The following TOR1AIP2 variants were observed in gnomAD, a reference collection of about 807,000 sequenced individuals.
TOR1AIP2 encodes torsin 1A interacting protein 2.
TOR1AIP2 carries 20 observed loss-of-function variants against 32.6 expected under a neutral mutation model. The observed-to-expected ratio is 0.61, with a 90% CI of 0.43 to 0.89. The LOEUF (loss-of-function observed/expected upper bound fraction) is 0.89, where lower values mean the gene tolerates loss of function less well. Ranked by LOEUF, TOR1AIP2 falls within the 40% of genes least tolerant of loss-of-function variation. The pLI is 0.00. For synonymous variants in TOR1AIP2, 214 were observed against 210.8 expected (o/e 1.02, Z -0.13); for missense variants, 456 against 553.8 (o/e 0.82, Z 1.77).
chr1:179,855,714 G>A (rs893741818), intron 3 of TOR1AIP2, among the ~76,000 whole-genome samples: 5 of 152,068 alleles, frequency 3.3e-5, no homozygotes, highest in Non-Finnish European at 5.9e-5. Context: ...TCATTAATAC[G>A]CCCCAAAATG....
Position 179,842,646 on chromosome 1 carries a change from C to T in TOR1AIP2, c.*3425G>A, listed in dbSNP as rs1695755692. 1 of 152,168 alleles carries T rather than the reference C, an allele frequency of 6.6e-6. No homozygotes were observed. Among genetic ancestry groups the T allele is most frequent in the African/African-American group, 2.4e-5 (1 of 41,438 alleles). The allele number at this position is 152,168 out of a possible 1,614,324, so 9.4% of individuals were successfully genotyped here. A position where few individuals can be genotyped will look rare whatever the true frequency, so the allele number is the denominator to read the frequency against. On this transcript the variant is annotated 3_prime_UTR_variant, in exon 7 of 7. Transcript: ENST00000609928. ...AATGGCAACGTTTAGGTACCACATACAATATTGTATGCCCACAAATCATTT... is the reference window on the plus strand; with the variant it reads ...AATGGCAACGTTTAGGTACCACATATAATATTGTATGCCCACAAATCATTT...
At chr1:179,873,564 T>C (rs1697089739) in intron 2 of TOR1AIP2, 1 of 152,234 alleles carries the variant, frequency 6.6e-6, no homozygotes, top group Non-Finnish European at 1.5e-5. Context: ...TTTTTCTTTG[T>C]AGTTAATAAT....
At chr1:179,871,069 G>A (rs886307831) in intron 2 of TOR1AIP2, among the ~76,000 whole-genome samples, 9 of 152,150 alleles carry the variant, frequency 5.9e-5, no homozygotes, top group Non-Finnish European at 1.0e-4. Flanking sequence ...GGCTCTTAGA[G>A]GGATATAAAA....
At position 179,846,501 on chromosome 1, in the gene TOR1AIP2, A is replaced by T; in HGVS notation, c.983T>A (p.Ile328Asn). Reference sequence around the variant, plus strand: ...GGTCCTTCCAGCCCCATCAATCTGAATGGGAGAGACTTTCTGGGAAGAGGT... The same window carrying T: ...GGTCCTTCCAGCCCCATCAATCTGATTGGGAGAGACTTTCTGGGAAGAGGT... Reference protein sequence around the residue: ...AYTSSQKVSPIQIDGAGRTWQ... With the variant: ...AYTSSQKVSPNQIDGAGRTWQ... The change falls in exon 7 of 7, where the codon ATT becomes AAT. Residue 328 changes from isoleucine (I) to asparagine (N), a missense_variant. Ile to Asn is a moderately radical substitution (Grantham distance 149). Transcript: ENST00000609928. 1 of 1,614,100 alleles carries T rather than the reference A, an allele frequency of 6.2e-7. No homozygotes were observed. The highest frequency in any genetic ancestry group is 8.5e-7 in the Non-Finnish European group (1 of 1,180,012).
intron 3 of TOR1AIP2, chr1:179,862,796 C>T (rs941894253): frequency 1.4e-4 from 32 of 235,998 alleles, no homozygotes; most frequent in Non-Finnish European, 9.6e-5. Context: ...GACATGGTGG[C>T]GGGCACCTGT....
chr1:179,858,161 CAAAAT>C (rs1696377562), intron 3 of TOR1AIP2, among the ~76,000 whole-genome samples: 1 of 151,246 alleles, frequency 6.6e-6, no homozygotes, highest in Non-Finnish European at 1.5e-5. Context: ...AAAAAACAAA[CAAAAT>C]AAATATATGT....
At position 179,845,991 on chromosome 1, in the gene TOR1AIP2, C is replaced by A. The variant is rs1319148641; in HGVS notation, c.*80G>T. 1.6e-6 allele frequency: 2 copies of A among 1,273,000 alleles called. No homozygotes were observed. Among genetic ancestry groups the A allele is most frequent in the Non-Finnish European group, 2.2e-6 (2 of 918,100 alleles). The allele number at this position is 1,273,000 out of a possible 1,614,324, so 78.9% of individuals were successfully genotyped here. A position where few individuals can be genotyped will look rare whatever the true frequency, so the allele number is the denominator to read the frequency against. ...TATTTCCTCAAGCTATTTTATCAAC[C>A]TCCTTCCATATAAATGGAAGGTCTT... On this transcript the variant is annotated 3_prime_UTR_variant, in exon 7 of 7. Transcript: ENST00000609928.
chr1:179,863,599 T>C (rs1571686538), intron 3 of TOR1AIP2: 1 of 964,494 alleles, frequency 1.0e-6, no homozygotes, highest in Non-Finnish European at 1.2e-6. Context: ...GAGACCGAGG[T>C]GGGAGGATGG....
In TOR1AIP2 at chr1:179,841,371, A is replaced by G. The variant is rs1274314693; in HGVS notation, c.*4700T>C. ...AAAAACACAAGAAGACAATGCTCCT[A>G]TAAAATGATATATTATTGGCTTTAC... On this transcript the variant is annotated 3_prime_UTR_variant, in exon 7 of 7. Coordinates refer to ENST00000609928, the MANE Select transcript of TOR1AIP2 (RefSeq NM_001199260.2). 6.6e-6 allele frequency: 1 copy of G among 152,246 alleles called. No individual in the cohort carries two copies. The highest frequency in any genetic ancestry group is 1.9e-4 in the East Asian group (1 of 5,206). 9.4% of individuals were successfully genotyped at this position (152,246 alleles called of 1,614,324 possible).
At chr1:179,864,018 C>G in intron 3 of TOR1AIP2, 1 of 985,414 alleles carries the variant, frequency 1.0e-6, no homozygotes, top group Non-Finnish European at 1.2e-6. Flanking sequence ...CTGATAGGTA[C>G]TTTTCCATTT....
chr1:179,857,096 G>T (rs1246431357), intron 3 of TOR1AIP2, among the ~76,000 whole-genome samples: 1 of 152,206 alleles, frequency 6.6e-6, no homozygotes, highest in Non-Finnish European at 1.5e-5. Flanking sequence ...AGATGCTTTT[G>T]ATAGTATCTT....
rs1157314672 is a variant in TOR1AIP2, at chr1:179,841,784, T to A, written c.*4287A>T. ...GTCGCATAAAGTTTGGTCAGATATA[T>A]GCAAATGCAGTGTTGGTGAAGATCA... On this transcript the variant is annotated 3_prime_UTR_variant, in exon 7 of 7. Coordinates refer to ENST00000609928, the MANE Select transcript of TOR1AIP2 (RefSeq NM_001199260.2). 1 of 152,280 alleles carries A rather than the reference T, an allele frequency of 6.6e-6. No homozygotes were observed. The highest frequency in any genetic ancestry group is 1.5e-5 in the Non-Finnish European group (1 of 68,050). 9.4% of individuals were successfully genotyped at this position (152,280 alleles called of 1,614,324 possible).
At chr1:179,849,399 T>G (rs899706478) in intron 5 of TOR1AIP2, among the ~76,000 whole-genome samples, 2 of 150,034 alleles carry the variant, frequency 1.3e-5, no homozygotes, top group African/African-American at 4.9e-5. Flanking sequence ...GCAGCTGTTT[T>G]TGTGTTTTCT....
chr1:179,873,725 T>C (rs193004042), intron 2 of TOR1AIP2: 5 of 152,352 alleles, frequency 3.3e-5, no homozygotes, highest in Admixed American at 6.5e-5. Context: ...AATTCTTCTG[T>C]TAGAGTTGTC....
At chr1:179,870,296 G>A (rs1696964181) in intron 2 of TOR1AIP2, among the ~76,000 whole-genome samples, 1 of 152,156 alleles carries the variant, frequency 6.6e-6, no homozygotes, top group African/African-American at 2.4e-5. Flanking sequence ...CTACTCAGGA[G>A]GCTGAGGCAG....
rs1195730853 is a variant in TOR1AIP2, at chr1:179,842,032, C to G, written c.*4039G>C. 1.3e-5 allele frequency: 2 copies of G among 152,248 alleles called. No homozygotes were observed. The highest frequency in any genetic ancestry group is 4.8e-5 in the African/African-American group (2 of 41,450). The allele number at this position is 152,248 out of a possible 1,614,324, so 9.4% of individuals were successfully genotyped here. A position where few individuals can be genotyped will look rare whatever the true frequency, so the allele number is the denominator to read the frequency against. On this transcript the variant is annotated 3_prime_UTR_variant, in exon 7 of 7. Transcript: ENST00000609928. ...CCTGGTCAACGTGGGGAAACCCCGT[C>G]TCTACCAAAAATACAAAAATTAGCT...
Position 179,860,843 on chromosome 1 carries a change from T to C in TOR1AIP2, c.-147+4593A>G, listed in dbSNP as rs1696499467. 5 of 985,314 alleles carry C rather than the reference T, an allele frequency of 5.1e-6. No homozygotes were observed. In the South Asian group the frequency reaches 2.3e-4, roughly 46 times the overall value. 61.0% of individuals were successfully genotyped at this position (985,314 alleles called of 1,614,324 possible). On this transcript the variant is annotated intron_variant, in intron 3 of 6. Transcript: ENST00000609928. ...AGGGTTGCCAGGGAGACTGGAGAGA[T>C]GAACGGGCTGCGGCTCATCTCACTT... is the stretch of plus-strand genomic sequence containing the variant.
chr1:179,850,834 G>T lies in TOR1AIP2; in HGVS notation c.553+11C>A. On this transcript the variant is annotated intron_variant, in intron 5 of 6. Coordinates refer to ENST00000609928, the MANE Select transcript of TOR1AIP2 (RefSeq NM_001199260.2). ...TACAAAACAGGAGAGTAGTTCAGGG[G>T]GTTCTCTTACCTGGGGCCAGCAGTC... 1 of 1,610,704 alleles carries T rather than the reference G, an allele frequency of 6.2e-7. No individual in the cohort carries two copies. Among genetic ancestry groups the T allele is most frequent in the East Asian group, 2.2e-5 (1 of 44,828 alleles).
At chr1:179,873,558 T>A (rs1697089262) in intron 2 of TOR1AIP2, 1 of 152,230 alleles carries the variant, frequency 6.6e-6, no homozygotes, top group African/African-American at 2.4e-5. Flanking sequence ...TACTATTTTT[T>A]CTTTGTAGTT....
Sources: allele counts gnomAD v4.1 joint callset (sites outside exome capture counted in the v4.1 genomes callset), GRCh38; gene constraint gnomAD v4.1.1; transcripts MANE v1.5; gene names NCBI Gene and HGNC (gene_info 2026-07-23, HGNC 2026-07-21).